The following DDI2 variants were observed in gnomAD, a reference collection of about 807,000 sequenced individuals.
The protein encoded by DDI2 is protein DDI1 homolog 2.
Under a neutral mutation model 48.1 loss-of-function variants are expected in DDI2, and 5 were observed. The observed-to-expected ratio is 0.10, with a 90% CI of 0.05 to 0.22. The LOEUF (loss-of-function observed/expected upper bound fraction) is 0.22. DDI2 is among the 10% of genes least tolerant of loss of function. The pLI, the probability that DDI2 is intolerant of heterozygous loss-of-function variation, is 1.00. For synonymous variants in DDI2, 205 were observed against 183.6 expected (o/e 1.12, Z -0.94); for missense variants, 285 against 506.2 (o/e 0.56, Z 4.19).
At position 15,662,722 on chromosome 1, in the gene DDI2, G is replaced by T. The variant is rs983567212; in HGVS notation, c.*2932G>T. ...AAACGCTCAGTGTGAGCTGTGATCT[G>T]AGTGAAATACTAAGTGTGATAACCT... On this transcript the variant is annotated 3_prime_UTR_variant, in exon 10 of 10. Transcript: ENST00000480945. 4 of 152,206 alleles carry T rather than the reference G, an allele frequency of 2.6e-5. No homozygotes were observed. The highest frequency in any genetic ancestry group is 2.6e-4 in the Admixed American group (4 of 15,284). 9.4% of individuals were successfully genotyped at this position (152,206 alleles called of 1,614,324 possible). A position where few individuals can be genotyped will look rare whatever the true frequency, so the allele number is the denominator to read the frequency against.
intron 8 of DDI2, among the ~76,000 whole-genome samples, chr1:15,652,881 C>T (rs981576661): frequency 2.7e-5 from 4 of 150,486 alleles, no homozygotes; most frequent in Non-Finnish European, 5.9e-5. Context: ...GCACACCCCC[C>T]GTAACCCCAG....
At position 15,621,711 on chromosome 1, in the gene DDI2, A is replaced by G. The variant is rs545308521; in HGVS notation, c.138+3903A>G. On this transcript the variant is annotated intron_variant, in intron 1 of 9. Coordinates refer to ENST00000480945, the MANE Select transcript of DDI2 (RefSeq NM_032341.5). ...CCAAATTGATAATTTTAAAGGCTAC[A>G]TAATATACCATCATATAGATGTGTT... 8.5e-5 allele frequency among the ~76,000 whole-genome samples: 13 copies of G among 152,286 alleles called. No individual in the cohort carries two copies. In the East Asian group the frequency reaches 9.7e-4, roughly 11 times the overall value.
At chr1:15,625,581 TTTAGTTGTTATTTTC>T (rs1471629599) in intron 1 of DDI2, among the ~76,000 whole-genome samples, 1 of 152,276 alleles carries the variant, frequency 6.6e-6, no homozygotes, top group African/African-American at 2.4e-5. Flanking sequence ...TCCACTTGTA[TTTAGTTGTTATTTTC>T]TTAGTTTCAC....
chr1:15,659,769 C>G, intron 9 of DDI2, 68 bp from the exon 10 acceptor site: 1 of 1,443,356 alleles, frequency 6.9e-7, no homozygotes, highest in South Asian at 1.5e-5. Flanking sequence ...GATTTGTATC[C>G]TCTGGTAATT....
intron 6 of DDI2, 122 bp from the exon 7 acceptor site, chr1:15,649,598 G>A (rs1326158307): frequency 3.6e-6 from 3 of 824,112 alleles, no homozygotes; most frequent in African/African-American, 3.6e-5. Flanking sequence ...TTAAACCCGG[G>A]AGGCAGAGGT....
chr1:15,624,006 G>T (rs897529157), intron 1 of DDI2, among the ~76,000 whole-genome samples: 6 of 152,166 alleles, frequency 3.9e-5, no homozygotes, highest in African/African-American at 7.2e-5. Context: ...AGTGAGCCGA[G>T]ATCCCGCCAC....
chr1:15,655,805 G>A (rs1437517044), intron 8 of DDI2, among the ~76,000 whole-genome samples: 8 of 151,420 alleles, frequency 5.3e-5, no homozygotes, highest in Admixed American at 5.3e-4. Flanking sequence ...ATGCACCTGT[G>A]GTCCAGCTAC....
In DDI2 at chr1:15,664,462, CTG is replaced by C. The variant is rs1419805942; in HGVS notation, c.*4674_*4675del. On this transcript the variant is annotated 3_prime_UTR_variant, in exon 10 of 10. Coordinates refer to ENST00000480945, the MANE Select transcript of DDI2 (RefSeq NM_032341.5). ...AAAAAAAAAAAAAAAGCTATTGACA[CTG>C]TTAATATTTTGGATGACTTAAATTT... The C allele has an allele frequency of 1.3e-5, 2 of 151,192 alleles. No individual in the cohort carries two copies. The highest frequency in any genetic ancestry group is 2.9e-5 in the Non-Finnish European group (2 of 67,834). The allele number at this position is 151,192 out of a possible 1,614,324, so 9.4% of individuals were successfully genotyped here.
chr1:15,666,658 C>T lies in DDI2; in HGVS notation c.*6868C>T, dbSNP rs1640456757. On this transcript the variant is annotated 3_prime_UTR_variant, in exon 10 of 10. Coordinates refer to ENST00000480945, the MANE Select transcript of DDI2 (RefSeq NM_032341.5). The stretch of plus-strand genomic sequence containing the variant: ...GATTCATTCATCAAATACTGAGTGC[C>T]TGTGTGCCAGGCACAGGTGAACTCT... The T allele has an allele frequency of 6.6e-6, 1 of 152,152 alleles. No individual in the cohort carries two copies. The highest frequency in any genetic ancestry group is 2.4e-5 in the African/African-American group (1 of 41,448). The allele number at this position is 152,152 out of a possible 1,614,324, so 9.4% of individuals were successfully genotyped here. A position where few individuals can be genotyped will look rare whatever the true frequency, so the allele number is the denominator to read the frequency against.
At chr1:15,641,812 G>A (rs1434640664) in intron 5 of DDI2, among the ~76,000 whole-genome samples, 1 of 151,812 alleles carries the variant, frequency 6.6e-6, no homozygotes, top group Non-Finnish European at 1.5e-5. Context: ...AAAAATAGCC[G>A]GGCATGGTGG....
In DDI2 at chr1:15,661,322, A is replaced by G. The variant is rs1410515220; in HGVS notation, c.*1532A>G. 1.2e-6 allele frequency: 2 copies of G among 1,614,088 alleles called. No individual in the cohort carries two copies. Among genetic ancestry groups the G allele is most frequent in the East Asian group, 2.2e-5 (1 of 44,876 alleles). On this transcript the variant is annotated 3_prime_UTR_variant, in exon 10 of 10. Coordinates refer to ENST00000480945, the MANE Select transcript of DDI2 (RefSeq NM_032341.5). The stretch of plus-strand genomic sequence containing the variant: ...TCAGCTAAAACATCCAATCAGTTAC[A>G]CTGCACCTTAGGTGTAGAAATTTCA...
intron 4 of DDI2, chr1:15,634,112 C>T (rs1415796456): frequency 3.0e-5 from 6 of 202,016 alleles, no homozygotes; most frequent in Admixed American, 1.1e-4. Flanking sequence ...TTCTGTAATG[C>T]GGTGGTTCTC....
intron 6 of DDI2, among the ~76,000 whole-genome samples, chr1:15,648,493 A>G (rs1270286286): frequency 6.6e-6 from 1 of 152,244 alleles, no homozygotes; most frequent in African/African-American, 2.4e-5. Flanking sequence ...GGATGTGCTC[A>G]TTTTAAATTT....
chr1:15,638,466 C>A, intron 5 of DDI2, 32 bp downstream of exon 5: 1 of 1,610,794 alleles, frequency 6.2e-7, no homozygotes, highest in South Asian at 1.1e-5. Context: ...TCTTGGTCTC[C>A]CCTCCAACAT....
rs967781105 is a variant in DDI2 at position 15,662,432 on chromosome 1, A to G, written c.*2642A>G. 6.6e-6 allele frequency: 1 copy of G among 152,202 alleles called. No individual in the cohort carries two copies. The highest frequency in any genetic ancestry group is 1.5e-5 in the Non-Finnish European group (1 of 68,036). The allele number at this position is 152,202 out of a possible 1,614,324, so 9.4% of individuals were successfully genotyped here. A position where few individuals can be genotyped will look rare whatever the true frequency, so the allele number is the denominator to read the frequency against. On this transcript the variant is annotated 3_prime_UTR_variant, in exon 10 of 10. Coordinates refer to ENST00000480945, the MANE Select transcript of DDI2 (RefSeq NM_032341.5). Reference sequence around the variant, plus strand: ...GAATCCTTATTACATTGGATGGGATATTGTGGGGGAGTTACAATGCAAGTG... The same window carrying G: ...GAATCCTTATTACATTGGATGGGATGTTGTGGGGGAGTTACAATGCAAGTG...
At chr1:15,645,393 C>G (rs1640075318) in intron 6 of DDI2, among the ~76,000 whole-genome samples, 1 of 152,202 alleles carries the variant, frequency 6.6e-6, no homozygotes, top group African/African-American at 2.4e-5. Flanking sequence ...TCTGGAATGT[C>G]TGTTATTCAG....
chr1:15,656,874 T>G, intron 9 of DDI2, 195 bp downstream of exon 9: 1 of 683,148 alleles, frequency 1.5e-6, no homozygotes, highest in Admixed American at 3.4e-5. Context: ...TGTTTAAAAA[T>G]GGATTCGTTA....
At position 15,646,259 on chromosome 1, in the gene DDI2, A is replaced by G. The variant is rs1640088548; in HGVS notation, c.889+2609A>G. 2.0e-5 allele frequency among the ~76,000 whole-genome samples: 3 copies of G among 152,340 alleles called. No homozygotes were observed. In the South Asian group the frequency reaches 6.2e-4, roughly 32 times the overall value. On this transcript the variant is annotated intron_variant, in intron 6 of 9. Coordinates refer to ENST00000480945, the MANE Select transcript of DDI2 (RefSeq NM_032341.5). ...TCTCCTCCTATCTGCAGAAGTATTTATGACCAGTTCCTATGCTCCATAGGA... is the reference window on the plus strand; with the variant it reads ...TCTCCTCCTATCTGCAGAAGTATTTGTGACCAGTTCCTATGCTCCATAGGA...
At chr1:15,656,998 G>T (rs188532177) in intron 9 of DDI2, 55 of 201,014 alleles carry the variant, frequency 2.7e-4, no homozygotes, top group Non-Finnish European at 4.8e-4. Context: ...ACACTTTGTT[G>T]TTGGAGATAA....
Sources: gnomAD v4.1 joint callset for allele counts (sites outside exome capture counted in the v4.1 genomes callset) on GRCh38, gnomAD v4.1.1 for gene constraint, MANE v1.5 for transcripts, NCBI Gene and HGNC (gene_info 2026-07-23, HGNC 2026-07-21) for gene names.